The following EPHA6 variants were observed in gnomAD, a reference collection of about 807,000 sequenced individuals.
EPHA6 encodes ephrin type-A receptor 6.
EPHA6 carries 50 observed loss-of-function variants against 112.0 expected under a neutral mutation model. The observed-to-expected ratio is 0.45, with a 90% confidence interval of 0.36 to 0.56. The LOEUF (loss-of-function observed/expected upper bound fraction) is 0.56, where lower values mean the gene tolerates loss of function less well. Among genes scored for constraint, EPHA6 ranks in the 20% least tolerant of loss-of-function variants. The pLI is 0.00. For synonymous variants in EPHA6, 529 were observed against 490.7 expected, an observed-to-expected ratio of 1.08 and a Z score of -1.03; for missense variants, 1,280 against 1,417.4, an observed-to-expected ratio of 0.90 and a Z score of 1.56.
At chr3:97,489,308 G>C (rs1056171943) in intron 10 of EPHA6, among the ~76,000 whole-genome samples, 5 of 152,210 alleles carry the variant, frequency 3.3e-5, no homozygotes, top group Admixed American at 2.6e-4. Flanking sequence ...AGAGTTAGTT[G>C]AAAATTAGTA....
At position 97,716,334 on chromosome 3, in the gene EPHA6, C is replaced by T. The variant is rs574902099; in HGVS notation, c.2785-3927C>T. ...CTGTAATCCCAGCACTTTGGGAGGC[C>T]GAGGCGGGTGGATCATGAGGTCAGG... On this transcript the variant is annotated intron_variant, in intron 14 of 17. Transcript: ENST00000389672. 8.9e-5 allele frequency among the ~76,000 whole-genome samples: 11 copies of T among 123,866 alleles called. 1 individual carries two copies. The highest frequency in any genetic ancestry group is 5.8e-4 in the African/African-American group (11 of 18,814). The allele number at this position is 123,866 out of a possible 152,430, so 81.3% of individuals were successfully genotyped here. A position where few individuals can be genotyped will look rare whatever the true frequency, so the allele number is the denominator to read the frequency against.
chr3:97,133,622 A>G (rs930381836), intron 3 of EPHA6, among the ~76,000 whole-genome samples: 5 of 152,078 alleles, frequency 3.3e-5, no homozygotes, highest in Admixed American at 3.3e-4. Flanking sequence ...TGTATTTTGT[A>G]AACTATATCT....
intron 3 of EPHA6, among the ~76,000 whole-genome samples, chr3:97,042,653 G>A (rs1252153448): frequency 6.6e-6 from 1 of 152,072 alleles, no homozygotes; most frequent in Non-Finnish European, 1.5e-5. Flanking sequence ...TCTAGCCGTG[G>A]TTCCAACCAT....
chr3:97,014,356 C>A (rs1343808919), intron 3 of EPHA6, among the ~76,000 whole-genome samples: 1 of 150,266 alleles, frequency 6.7e-6, no homozygotes, highest in Non-Finnish European at 1.5e-5. Context: ...CTACCTCTCT[C>A]CCTCCCTCCC....
At chr3:97,704,499 C>T (rs541104177) in intron 14 of EPHA6, among the ~76,000 whole-genome samples, 9 of 152,184 alleles carry the variant, frequency 5.9e-5, no homozygotes, top group Non-Finnish European at 1.3e-4. Context: ...TTCCCTCTTG[C>T]CGATGACCTA....
chr3:97,127,410 A>G (rs2048212264), intron 3 of EPHA6, among the ~76,000 whole-genome samples: 1 of 152,078 alleles, frequency 6.6e-6, no homozygotes, highest in African/African-American at 2.4e-5. Context: ...TCATGGGAGA[A>G]GGGCTGGGGC....
At chr3:97,129,854 G>A (rs927813974) in intron 3 of EPHA6, among the ~76,000 whole-genome samples, 4 of 152,170 alleles carry the variant, frequency 2.6e-5, no homozygotes, top group African/African-American at 9.7e-5. Flanking sequence ...GACATTACCT[G>A]AGAGATAGTG....
chr3:97,314,517 A>T (rs983676607), intron 5 of EPHA6, among the ~76,000 whole-genome samples: 38 of 151,688 alleles, frequency 2.5e-4, no homozygotes, highest in African/African-American at 8.5e-4. Context: ...GGGATTTTTC[A>T]TGCTGAAATT....
chr3:97,497,886 G>C (rs936428248), intron 10 of EPHA6, among the ~76,000 whole-genome samples: 2 of 152,022 alleles, frequency 1.3e-5, no homozygotes, highest in African/African-American at 4.8e-5. Flanking sequence ...TCACTATAAT[G>C]TCAGTGTGGA....
chr3:97,156,158 A>G (rs2076285123), intron 3 of EPHA6, among the ~76,000 whole-genome samples: 1 of 152,166 alleles, frequency 6.6e-6, no homozygotes, highest in African/African-American at 2.4e-5. Flanking sequence ...TGGAAAATTG[A>G]AATAATACTG....
intron 5 of EPHA6, among the ~76,000 whole-genome samples, chr3:97,335,119 C>T (rs947975661): frequency 2.6e-5 from 4 of 152,138 alleles, no homozygotes; most frequent in African/African-American, 7.2e-5. Flanking sequence ...GGACCTAACT[C>T]CCATTGAGAC....
At chr3:96,891,746 A>G (rs948699163) in intron 2 of EPHA6, among the ~76,000 whole-genome samples, 4 of 152,216 alleles carry the variant, frequency 2.6e-5, no homozygotes, top group African/African-American at 9.6e-5. Context: ...TGCTGGTGAT[A>G]TGCTGTTTTG....
At chr3:97,243,087 C>T (rs149809533) in intron 4 of EPHA6, among the ~76,000 whole-genome samples, 1 of 151,762 alleles carries the variant, frequency 6.6e-6, no homozygotes, top group Non-Finnish European at 1.5e-5. Context: ...GAGTAATTAG[C>T]GGCTATCAAG....
At chr3:97,195,425 A>G (rs1450052521) in intron 3 of EPHA6, among the ~76,000 whole-genome samples, 2 of 151,916 alleles carry the variant, frequency 1.3e-5, no homozygotes, top group Non-Finnish European at 2.9e-5. Context: ...TGTTGTTTCT[A>G]TATATATCTT....
At chr3:97,161,216 T>C (rs1259773851) in intron 3 of EPHA6, among the ~76,000 whole-genome samples, 1 of 152,174 alleles carries the variant, frequency 6.6e-6, no homozygotes, top group Non-Finnish European at 1.5e-5. Context: ...GTGTTCGGTC[T>C]CTACTAAGTC....
chr3:97,258,196 C>T (rs2079378760), intron 5 of EPHA6, among the ~76,000 whole-genome samples: 1 of 151,736 alleles, frequency 6.6e-6, no homozygotes, highest in African/African-American at 2.4e-5. Flanking sequence ...AAAATCTATG[C>T]ATTAAATATT....
At chr3:97,259,711 G>A (rs2079434158) in intron 5 of EPHA6, among the ~76,000 whole-genome samples, 1 of 152,110 alleles carries the variant, frequency 6.6e-6, no homozygotes. Context: ...AAGAGAGGTA[G>A]TGTTGTCTAA....
intron 11 of EPHA6, among the ~76,000 whole-genome samples, chr3:97,541,480 C>T (rs535216389): frequency 7.2e-5 from 11 of 152,188 alleles, no homozygotes; most frequent in African/African-American, 2.6e-4. Flanking sequence ...TTGCATCAAC[C>T]TAATACTAAA....
chr3:97,559,454 TC>T, intron 11 of EPHA6: 2 of 308,890 alleles, frequency 6.5e-6, no homozygotes, highest in South Asian at 5.4e-5. Flanking sequence ...TGGGAGCCAC[TC>T]TTCTAGAAAC....
Sources: allele counts gnomAD v4.1 joint callset (sites outside exome capture counted in the v4.1 genomes callset), GRCh38; gene constraint gnomAD v4.1.1; transcripts MANE v1.5; gene names NCBI Gene and HGNC (gene_info 2026-07-23, HGNC 2026-07-21).